Variants in EPHB1 observed in about 807,000 individuals in gnomAD.
The protein encoded by EPHB1 is EPH receptor B1, also known as ephrin type-B receptor 1.
EPHB1 carries 30 observed loss-of-function variants against 94.4 expected under a neutral mutation model. The observed-to-expected ratio is 0.32, with a 90% CI of 0.24 to 0.43. The LOEUF is 0.43. Among genes scored for constraint, EPHB1 ranks in the 20% least tolerant of loss-of-function variants. The probability of loss-of-function intolerance (pLI) is 1.00; values close to 1 mark genes in which losing one functional copy is unlikely to be tolerated. For synonymous variants in EPHB1, 522 were observed against 489.1 expected, an observed-to-expected ratio of 1.07 and a Z score of -0.89; for missense variants, 1,055 against 1,308.3, an observed-to-expected ratio of 0.81 and a Z score of 2.99.
chr3:134,971,274 T>A (rs1474919783), intron 3 of EPHB1, among the ~76,000 whole-genome samples: 4 of 152,228 alleles, frequency 2.6e-5, no homozygotes, highest in African/African-American at 9.6e-5. Flanking sequence ...AGTGGATTCT[T>A]GTTCTCTGCA....
intron 5 of EPHB1, among the ~76,000 whole-genome samples, chr3:135,136,767 T>C (rs1054201721): frequency 6.6e-6 from 1 of 152,234 alleles, no homozygotes; most frequent in East Asian, 1.9e-4. Context: ...ATTTTAGCTG[T>C]CAAAAACTGT....
intron 3 of EPHB1, among the ~76,000 whole-genome samples, chr3:134,989,391 C>T (rs147965408): frequency 1.3e-5 from 2 of 152,254 alleles, no homozygotes; most frequent in East Asian, 3.9e-4. Context: ...TGATATTCTA[C>T]TTATGTGTGT....
intron 1 of EPHB1, among the ~76,000 whole-genome samples, chr3:134,889,312 G>T (rs1305390096): frequency 6.6e-6 from 1 of 151,956 alleles, no homozygotes; most frequent in East Asian, 1.9e-4. Context: ...TGCAAATTCT[G>T]CACTCATTTC....
chr3:134,982,405 C>G (rs929627887), intron 3 of EPHB1, among the ~76,000 whole-genome samples: 8 of 152,130 alleles, frequency 5.3e-5, no homozygotes, highest in Non-Finnish European at 1.2e-4. Context: ...GGAGCTGATT[C>G]TTTTCACATG....
chr3:135,142,849 C>T (rs781578111), intron 5 of EPHB1, among the ~76,000 whole-genome samples: 1 of 151,922 alleles, frequency 6.6e-6, no homozygotes, highest in African/African-American at 2.4e-5. Context: ...TGAATGGGGG[C>T]GTGACGGTGG....
At chr3:134,913,459 C>T (rs2038497893) in intron 1 of EPHB1, among the ~76,000 whole-genome samples, 1 of 152,182 alleles carries the variant, frequency 6.6e-6, no homozygotes, top group South Asian at 2.1e-4. Context: ...GTTGCTGCTG[C>T]CCCTGTTCTG....
chr3:135,175,195 A>G (rs542822768), intron 9 of EPHB1, among the ~76,000 whole-genome samples: 1 of 152,234 alleles, frequency 6.6e-6, no homozygotes, highest in South Asian at 2.1e-4. Flanking sequence ...CCGACTTTTC[A>G]GATACACTCT....
At chr3:134,953,632 G>A (rs1048143814) in intron 3 of EPHB1, among the ~76,000 whole-genome samples, 2 of 152,190 alleles carry the variant, frequency 1.3e-5, no homozygotes, top group African/African-American at 4.8e-5. Flanking sequence ...CATGGTGGGT[G>A]ATTTCTTTGG....
chr3:134,864,374 T>C (rs1378241853), intron 1 of EPHB1, among the ~76,000 whole-genome samples: 1 of 152,206 alleles, frequency 6.6e-6, no homozygotes, highest in Non-Finnish European at 1.5e-5. Flanking sequence ...AGAGGCAGCT[T>C]GCCTTCCCTC....
At chr3:134,811,563 T>G (rs912013731) in intron 1 of EPHB1, among the ~76,000 whole-genome samples, 1 of 152,034 alleles carries the variant, frequency 6.6e-6, no homozygotes, top group Non-Finnish European at 1.5e-5. Flanking sequence ...AAGACTTTTT[T>G]TTTTTCCTGA....
intron 5 of EPHB1, among the ~76,000 whole-genome samples, chr3:135,139,864 A>G (rs1940760146): frequency 6.6e-6 from 1 of 152,200 alleles, no homozygotes; most frequent in Non-Finnish European, 1.5e-5. Context: ...ACCAGTTTGA[A>G]TGAACTCCTT....
chr3:135,079,096 A>AC (rs1491411588), intron 3 of EPHB1, among the ~76,000 whole-genome samples: 13 of 140,494 alleles, frequency 9.3e-5, no homozygotes, highest in African/African-American at 3.1e-4. Context: ...CAAAAAAAAA[A>AC]CAAAACAAAC....
chr3:134,881,524 C>G (rs568183072), intron 1 of EPHB1, among the ~76,000 whole-genome samples: 1 of 152,268 alleles, frequency 6.6e-6, no homozygotes, highest in South Asian at 2.1e-4. Flanking sequence ...CAGACTGATG[C>G]AGCTATTGGA....
intron 2 of EPHB1, among the ~76,000 whole-genome samples, chr3:134,944,133 A>G (rs555860105): frequency 3.4e-4 from 51 of 152,212 alleles, no homozygotes; most frequent in African/African-American, 1.2e-3. Context: ...ATTTCCCTCT[A>G]TGGCCCCAGG....
intron 3 of EPHB1, among the ~76,000 whole-genome samples, chr3:134,959,300 G>A (rs1341745746): frequency 6.6e-6 from 1 of 152,010 alleles, no homozygotes; most frequent in Non-Finnish European, 1.5e-5. Context: ...ATCCAGAGAG[G>A]GGTCCGCCAG....
intron 10 of EPHB1, among the ~76,000 whole-genome samples, chr3:135,185,316 C>T (rs1439475142): frequency 2.0e-5 from 3 of 152,168 alleles, no homozygotes; most frequent in Non-Finnish European, 4.4e-5. Flanking sequence ...GTTTGACAGT[C>T]CTGGGGTCAT....
chr3:135,009,877 T>C (rs1194892222), intron 3 of EPHB1, among the ~76,000 whole-genome samples: 1 of 152,212 alleles, frequency 6.6e-6, no homozygotes, highest in Non-Finnish European at 1.5e-5. Context: ...TGTGTGAAAA[T>C]AGTAGACGCT....
intron 3 of EPHB1, among the ~76,000 whole-genome samples, chr3:134,966,301 G>A (rs1475075531): frequency 6.6e-6 from 1 of 152,196 alleles, no homozygotes; most frequent in Non-Finnish European, 1.5e-5. Context: ...GTGAGGAAAG[G>A]GACAAGGAGG....
chr3:135,228,857 G>A (rs1943465153), intron 12 of EPHB1, among the ~76,000 whole-genome samples: 1 of 152,092 alleles, frequency 6.6e-6, no homozygotes, highest in Admixed American at 6.5e-5. Context: ...CCATATGCAA[G>A]GACACACTTC....
Sources: allele counts gnomAD v4.1 joint callset (sites outside exome capture counted in the v4.1 genomes callset), GRCh38; gene constraint gnomAD v4.1.1; transcripts MANE v1.5; gene names NCBI Gene and HGNC (gene_info 2026-07-23, HGNC 2026-07-21).